The following AFG2A variants were observed in gnomAD, a reference collection of about 807,000 sequenced individuals.
AFG2A encodes the protein ATPase family gene 2 protein homolog A.
the AFG2A span, among the ~76,000 whole-genome samples, chr4:123,172,763 A>G: frequency 2.0e-5 from 3 of 151,962 alleles, no homozygotes; most frequent in Non-Finnish European, 4.4e-5. Flanking sequence ...GGTTTACAAT[A>G]CTGGGACTAC....
the AFG2A span, among the ~76,000 whole-genome samples, chr4:123,079,017 T>C: frequency 1.3e-5 from 2 of 152,196 alleles, no homozygotes; most frequent in Non-Finnish European, 2.9e-5. Flanking sequence ...TATGTTGTTA[T>C]TACTGTTTTT....
At chr4:123,187,997 CAAA>C in the AFG2A span, among the ~76,000 whole-genome samples, 43 of 133,682 alleles carry the variant, frequency 3.2e-4, no homozygotes, top group Non-Finnish European at 3.6e-4. Flanking sequence ...GGCCCTATCT[CAAA>C]AAAAAAAAAA....
chr4:123,198,892 G>A, the AFG2A span, among the ~76,000 whole-genome samples: 2 of 152,166 alleles, frequency 1.3e-5, no homozygotes, highest in Non-Finnish European at 2.9e-5. Flanking sequence ...TCTAGATGAG[G>A]CATGAACTTG....
chr4:122,959,101 T>A, the AFG2A span, among the ~76,000 whole-genome samples: 1 of 152,190 alleles, frequency 6.6e-6, no homozygotes, highest in African/African-American at 2.4e-5. Flanking sequence ...TGCAGGTATG[T>A]CATTGCTGCT....
At chr4:122,977,178 G>T in the AFG2A span, among the ~76,000 whole-genome samples, 2 of 152,248 alleles carry the variant, frequency 1.3e-5, no homozygotes, top group South Asian at 4.1e-4. Flanking sequence ...AAACCTCTGT[G>T]GCCGGTGGCA....
At chr4:123,142,511 A>C in the AFG2A span, among the ~76,000 whole-genome samples, 1 of 152,070 alleles carries the variant, frequency 6.6e-6, no homozygotes, top group Non-Finnish European at 1.5e-5. Flanking sequence ...TATGTGAGTA[A>C]TTTTCTTTCA....
At chr4:123,162,531 C>T in the AFG2A span, among the ~76,000 whole-genome samples, 1 of 152,130 alleles carries the variant, frequency 6.6e-6, no homozygotes, top group Non-Finnish European at 1.5e-5. Context: ...AATGGGCCCA[C>T]TGATGGCTTA....
the AFG2A span, among the ~76,000 whole-genome samples, chr4:123,225,321 C>T: frequency 2.0e-5 from 3 of 152,016 alleles, no homozygotes; most frequent in South Asian, 2.1e-4. Flanking sequence ...CTAGGTTTTC[C>T]TCTAGGGTTT....
At chr4:123,062,586 A>G in the AFG2A span, among the ~76,000 whole-genome samples, 19 of 152,236 alleles carry the variant, frequency 1.2e-4, no homozygotes, top group African/African-American at 2.7e-4. Flanking sequence ...TGGTATAGCA[A>G]TAAGTCATAT....
the AFG2A span, among the ~76,000 whole-genome samples, chr4:123,213,882 C>G: frequency 6.6e-6 from 1 of 152,142 alleles, no homozygotes; most frequent in Non-Finnish European, 1.5e-5. Context: ...GTACTTATTG[C>G]TTAATTGACA....
At chr4:122,936,161 T>C in the AFG2A span, 1 of 1,592,222 alleles carries the variant, frequency 6.3e-7, no homozygotes, top group South Asian at 1.2e-5. Flanking sequence ...TCTACGGTAC[T>C]CTTTATTTTT....
At chr4:123,118,544 C>A in the AFG2A span, among the ~76,000 whole-genome samples, 1 of 151,468 alleles carries the variant, frequency 6.6e-6, no homozygotes, top group African/African-American at 2.4e-5. Flanking sequence ...AGTTATTCAA[C>A]CAGTGCCTTA....
the AFG2A span, among the ~76,000 whole-genome samples, chr4:122,995,627 A>G: frequency 6.6e-6 from 1 of 152,188 alleles, no homozygotes; most frequent in African/African-American, 2.4e-5. Flanking sequence ...AGGATCATCA[A>G]TTTCTATCCT....
chr4:123,045,006 A>AT, the AFG2A span, among the ~76,000 whole-genome samples: 4 of 151,624 alleles, frequency 2.6e-5, no homozygotes, highest in Non-Finnish European at 5.9e-5. Flanking sequence ...TTTTTTAAAA[A>AT]TTTCTTTTGG....
chr4:123,146,865 A>G, the AFG2A span, among the ~76,000 whole-genome samples: 6 of 152,244 alleles, frequency 3.9e-5, no homozygotes, highest in African/African-American at 1.2e-4. Context: ...AGGGACATAC[A>G]CCTAGGGACT....
At chr4:123,131,632 G>T in the AFG2A span, among the ~76,000 whole-genome samples, 1 of 152,050 alleles carries the variant, frequency 6.6e-6, no homozygotes, top group Admixed American at 6.5e-5. Flanking sequence ...ACGTCCTCAA[G>T]ATTATTTTAT....
chr4:123,314,742 T>C, the AFG2A span: 1 of 144,016 alleles, frequency 6.9e-6, no homozygotes, highest in Non-Finnish European at 1.5e-5. Flanking sequence ...TGGGTTTTTT[T>C]TGTTGTTGTT....
At chr4:123,149,068 A>G in the AFG2A span, among the ~76,000 whole-genome samples, 3 of 152,242 alleles carry the variant, frequency 2.0e-5, no homozygotes, top group Admixed American at 6.5e-5. Flanking sequence ...GGCGCCTGGC[A>G]CACACACACT....
At chr4:123,262,649 A>C in the AFG2A span, among the ~76,000 whole-genome samples, 1 of 152,240 alleles carries the variant, frequency 6.6e-6, no homozygotes, top group Non-Finnish European at 1.5e-5. Context: ...TCTTACAGTA[A>C]TTGTCTTTAC....
Sources: allele counts gnomAD v4.1 joint callset (sites outside exome capture counted in the v4.1 genomes callset), GRCh38; gene constraint gnomAD v4.1.1; transcripts MANE v1.5; gene names NCBI Gene and HGNC (gene_info 2026-07-23, HGNC 2026-07-21).